RBMXL1: variants seen among roughly 807,000 people sequenced by gnomAD.
RBMXL1 encodes the protein RNA binding motif protein, X-linked-like-1.
In RBMXL1, 18 loss-of-function variants were observed where a neutral mutation model predicts 29.0. The observed-to-expected ratio is 0.62, with a 90% CI of 0.43 to 0.92. The LOEUF is 0.92. Among genes scored for constraint, RBMXL1 ranks in the 40% least tolerant of loss-of-function variants. The pLI, the probability that RBMXL1 is intolerant of heterozygous loss-of-function variation, is 0.00. For missense variants in RBMXL1, 403 were observed against 495.8 expected (o/e 0.81, Z 1.78); for synonymous variants, 141 against 170.4 (o/e 0.83, Z 1.34).
Position 88,980,718 on chromosome 1 carries a change from T to G in RBMXL1, c.*1936A>C, listed in dbSNP as rs555631750. 7 of 152,330 alleles carry G rather than the reference T, an allele frequency of 4.6e-5. No homozygotes were observed. Among genetic ancestry groups the G allele is most frequent in the African/African-American group, 1.2e-4 (5 of 41,560 alleles). 9.4% of individuals were successfully genotyped at this position (152,330 alleles called of 1,614,324 possible). On this transcript the variant is annotated 3_prime_UTR_variant, in exon 3 of 3. Transcript: ENST00000652648. ...ATTCATATTTGGTACAAACTCTATA[T>G]CCTATATTTAGGATATCTAAATATT...
In RBMXL1 at chr1:88,982,791, T is replaced by C; in HGVS notation, c.1036A>G (p.Arg346Gly). ...SSCDRVGRQE[R>G]GLPPSVERGY... The stretch of plus-strand genomic sequence containing the variant: ...CTTTCTACAGAAGGGGGAAGCCCTC[T>C]TTCTTGTCTGCCAACCCTGTCACAA... The change falls in exon 3 of 3, where the codon AGA becomes GGA. Residue 346 changes from arginine (R) to glycine (G), a missense_variant. Physicochemically the swap from Arg to Gly is moderately radical, Grantham distance 125 (BLOSUM62 -2). Coordinates refer to ENST00000652648, the MANE Select transcript of RBMXL1 (RefSeq NM_001162536.3). 2 of 1,613,990 alleles carry C rather than the reference T, an allele frequency of 1.2e-6. No homozygotes were observed. The highest frequency in any genetic ancestry group is 1.1e-5 in the South Asian group (1 of 91,062).
chr1:88,987,712 C>T (rs1677544976), intron 2 of RBMXL1, among the ~76,000 whole-genome samples: 1 of 152,146 alleles, frequency 6.6e-6, no homozygotes, highest in African/African-American at 2.4e-5. Flanking sequence ...TCCCTACATA[C>T]TTGGCATATT....
In RBMXL1 at chr1:88,984,204, C is replaced by CTTTTTTTTT. The variant is rs908183722; in HGVS notation, c.-240-147_-240-139dup. On this transcript the variant is annotated intron_variant, in intron 2 of 2. Coordinates refer to ENST00000652648, the MANE Select transcript of RBMXL1 (RefSeq NM_001162536.3). ...ATTAACAGGAGCCCTTTTTTTGTTG[C>CTTTTTTTTT]TTTTTTTTTTTTTTTTTTTTTTTTT... The CTTTTTTTTT allele has an allele frequency of 1.2e-3, 96 of 81,760 alleles. 11 individuals are homozygous for CTTTTTTTTT. The highest frequency in any genetic ancestry group is 1.7e-3 in the Non-Finnish European group (67 of 38,344). The allele number at this position is 81,760 out of a possible 1,614,324, so 5.1% of individuals were successfully genotyped here. A position where few individuals can be genotyped will look rare whatever the true frequency, so the allele number is the denominator to read the frequency against.
At position 88,981,996 on chromosome 1, in the gene RBMXL1, C is replaced by T. The variant is rs1032220283; in HGVS notation, c.*658G>A. On this transcript the variant is annotated 3_prime_UTR_variant, in exon 3 of 3. Transcript: ENST00000652648. ...TGGCCAAACTTTTTATTTAGTATTC[C>T]GTAGTTGTTTAGCACACACTTAAAT... 23 of 981,902 alleles carry T rather than the reference C, an allele frequency of 2.3e-5. No homozygotes were observed. In the African/African-American group the frequency reaches 3.5e-4, roughly 15 times the overall value. 60.8% of individuals were successfully genotyped at this position (981,902 alleles called of 1,614,324 possible). A position where few individuals can be genotyped will look rare whatever the true frequency, so the allele number is the denominator to read the frequency against.
chr1:88,989,229 T>C (rs942062670), intron 1 of RBMXL1, among the ~76,000 whole-genome samples: 1 of 152,172 alleles, frequency 6.6e-6, no homozygotes, highest in African/African-American at 2.4e-5. Context: ...GGAAACTAAA[T>C]AGAGCTTCTA....
chr1:88,983,155 A>G lies in RBMXL1; in HGVS notation c.672T>C (p.Asp224=). ...YSTKDSYSSR[D]YPSSRDTRDY... ...CTCTTGTATCACGAGAACTTGGGTA[A>G]TCTCTGCTTGAATAGCTGTCTTTAG... Residue 224 remains aspartate, a synonymous_variant, in exon 3 of 3, where the codon GAT becomes GAC. Transcript: ENST00000652648. 1 of 1,612,504 alleles carries G rather than the reference A, an allele frequency of 6.2e-7. No homozygotes were observed. Among genetic ancestry groups the G allele is most frequent in the South Asian group, 1.1e-5 (1 of 91,012 alleles).
Position 88,983,003 on chromosome 1 carries a change from T to C in RBMXL1, c.824A>G (p.His275Arg), listed in dbSNP as rs755762600. 1 of 1,613,274 alleles carries C rather than the reference T, an allele frequency of 6.2e-7. No homozygotes were observed. Among genetic ancestry groups the C allele is most frequent in the Non-Finnish European group, 8.5e-7 (1 of 1,179,928 alleles). ...ATCTCTGTAGGAACCTCCACTTGGATGATCTGAATAGTCACGATCACGACC... is the reference window on the plus strand; with the variant it reads ...ATCTCTGTAGGAACCTCCACTTGGACGATCTGAATAGTCACGATCACGACC... ...GYGRDRDYSD[H>R]PSGGSYRDSY... is the part of the protein sequence containing the mutation. The change falls in exon 3 of 3, where the codon CAT (histidine) becomes CGT (arginine). Residue 275 changes from histidine (H) to arginine (R), a missense_variant. His to Arg is a conservative substitution (Grantham distance 29). Transcript: ENST00000652648.
rs753162241 is a variant in RBMXL1, at chr1:88,982,901, C to A, written c.926G>T (p.Arg309Leu). Residue 309 changes from arginine to leucine, a missense_variant, in exon 3 of 3, where the codon CGC becomes CTC. Physicochemically the swap from Arg to Leu is moderately radical, Grantham distance 102. Transcript: ENST00000652648. ...ACGTGAGCTGCTATAATCATCATAGCGACTGCTTCCACCATAAGATGGCGG... is the reference window on the plus strand; with the variant it reads ...ACGTGAGCTGCTATAATCATCATAGAGACTGCTTCCACCATAAGATGGCGG... ...GPPPSYGGSS[R>L]YDDYSSSRDG... 2 of 1,613,982 alleles carry A rather than the reference C, an allele frequency of 1.2e-6. No homozygotes were observed. Among genetic ancestry groups the A allele is most frequent in the African/African-American group, 1.3e-5 (1 of 75,032 alleles).
intron 1 of RBMXL1, among the ~76,000 whole-genome samples, chr1:88,991,688 T>A (rs1170052330): frequency 1.3e-5 from 2 of 152,200 alleles, no homozygotes; most frequent in East Asian, 3.8e-4. Context: ...GAAAAACTGT[T>A]CTATGAAAAT....
chr1:88,992,345 G>A (rs562174230), intron 1 of RBMXL1, among the ~76,000 whole-genome samples: 15 of 152,334 alleles, frequency 9.8e-5, no homozygotes, highest in African/African-American at 3.1e-4. Context: ...GAAATCAAGA[G>A]TAAAAGCGCC....
In RBMXL1 at chr1:88,982,183, C is replaced by A; in HGVS notation, c.*471G>T. The stretch of plus-strand genomic sequence containing the variant: ...GATTTCAGGTTTTGCATACTGAGAA[C>A]AGTGAGATTTCAGTTAGAAAACACC... On this transcript the variant is annotated 3_prime_UTR_variant, in exon 3 of 3. Coordinates refer to ENST00000652648, the MANE Select transcript of RBMXL1 (RefSeq NM_001162536.3). 1 of 873,354 alleles carries A rather than the reference C, an allele frequency of 1.1e-6. No homozygotes were observed. Among genetic ancestry groups the A allele is most frequent in the Non-Finnish European group, 1.4e-6 (1 of 726,006 alleles). The allele number at this position is 873,354 out of a possible 1,614,324, so 54.1% of individuals were successfully genotyped here. A position where few individuals can be genotyped will look rare whatever the true frequency, so the allele number is the denominator to read the frequency against.
intron 2 of RBMXL1, among the ~76,000 whole-genome samples, chr1:88,987,173 G>A (rs1032755580): frequency 2.6e-5 from 4 of 152,156 alleles, no homozygotes; most frequent in Non-Finnish European, 5.9e-5. Context: ...ATGCATAATG[G>A]TGAGCCCTGG....
Position 88,983,917 on chromosome 1 carries a change from TG to T in RBMXL1, c.-92del. On this transcript the variant is annotated 5_prime_UTR_variant, in exon 3 of 3. Coordinates refer to ENST00000652648, the MANE Select transcript of RBMXL1 (RefSeq NM_001162536.3). ...GGGCTTCCTAGCAGCTCAGCACCAG[TG>T]GCGGCTGTCAGTTAGGAGGACTGAA... 1.3e-6 allele frequency: 2 copies of T among 1,482,990 alleles called. No individual in the cohort carries two copies. The highest frequency in any genetic ancestry group is 1.9e-6 in the Non-Finnish European group (2 of 1,064,764). 91.9% of individuals were successfully genotyped at this position (1,482,990 alleles called of 1,614,324 possible).
Sources: allele counts gnomAD v4.1 joint callset (sites outside exome capture counted in the v4.1 genomes callset), GRCh38; gene constraint gnomAD v4.1.1; transcripts MANE v1.5; gene names NCBI Gene and HGNC (gene_info 2026-07-23, HGNC 2026-07-21).